The following CDH13 variants were observed in gnomAD, a reference collection of about 807,000 sequenced individuals.
CDH13 encodes cadherin 13, also known as cadherin-13.
CDH13 carries 24 observed loss-of-function variants against 63.8 expected under a neutral mutation model. The observed-to-expected ratio is 0.38, with a 90% CI of 0.27 to 0.53. CDH13 has a LOEUF of 0.53. CDH13 is among the 20% of genes least tolerant of loss of function. The pLI, the probability that CDH13 is intolerant of heterozygous loss-of-function variation, is 0.85. For synonymous variants in CDH13, 503 were observed against 355.3 expected (o/e 1.42, Z -4.67); for missense variants, 1,049 against 903.1 (o/e 1.16, Z -2.07).
intron 1 of CDH13, among the ~76,000 whole-genome samples, chr16:82,628,415 T>C (rs529557643): frequency 3.3e-5 from 5 of 152,072 alleles, no homozygotes; most frequent in Non-Finnish European, 5.9e-5. Context: ...GTAGGGACTG[T>C]CTGGGATGGG....
At chr16:83,468,599 CT>C (rs72242772) in intron 6 of CDH13, among the ~76,000 whole-genome samples, 3,849 of 152,222 alleles carry the variant, frequency 0.025, 163 homozygotes, top group African/African-American at 0.087. Context: ...CCCAGCCACA[CT>C]TGTGTGAGGC....
chr16:83,056,771 T>TC (rs2030989694), intron 3 of CDH13, among the ~76,000 whole-genome samples: 1 of 152,126 alleles, frequency 6.6e-6, no homozygotes. Flanking sequence ...GGTGGGTTTT[T>TC]CCCATGCTGT....
chr16:83,752,055 C>T (rs1488317910), intron 11 of CDH13, among the ~76,000 whole-genome samples: 1 of 152,152 alleles, frequency 6.6e-6, no homozygotes, highest in Non-Finnish European at 1.5e-5. Flanking sequence ...GAAAATAAGC[C>T]AAGATTGTTT....
chr16:82,950,669 A>G (rs1662846239), intron 2 of CDH13, among the ~76,000 whole-genome samples: 1 of 152,256 alleles, frequency 6.6e-6, no homozygotes, highest in East Asian at 1.9e-4. Context: ...ACATGTCTTT[A>G]TCAGCATTGT....
Position 82,687,794 on chromosome 16 carries a change from G to A in CDH13, c.45+60657G>A, listed in dbSNP as rs116190367. 6.6e-3 allele frequency among the ~76,000 whole-genome samples: 1,009 copies of A among 152,172 alleles called. 13 individuals carry two copies. Among genetic ancestry groups the A allele is most frequent in the African/African-American group, 0.022 (920 of 41,522 alleles). ...TTCTGATCTCATTCTATCAAAGTTG[G>A]TAGATCCTAACATGGTGACCCAGCA... On this transcript the variant is annotated intron_variant, in intron 1 of 13. Transcript: ENST00000567109.
chr16:83,157,929 A>G (rs2151706033), intron 4 of CDH13, among the ~76,000 whole-genome samples: 1 of 152,092 alleles, frequency 6.6e-6, no homozygotes, highest in Non-Finnish European at 1.5e-5. Flanking sequence ...AAAGAAAGAA[A>G]AAAGAAAACA....
chr16:83,719,652 G>A (rs571352690), intron 10 of CDH13, among the ~76,000 whole-genome samples: 2 of 152,222 alleles, frequency 1.3e-5, no homozygotes, highest in East Asian at 1.9e-4. Flanking sequence ...AAACCCCCAC[G>A]GTGACGCTAG....
intron 3 of CDH13, among the ~76,000 whole-genome samples, chr16:83,052,053 A>G (rs1328127640): frequency 4.6e-5 from 7 of 152,218 alleles, no homozygotes; most frequent in Non-Finnish European, 8.8e-5. Flanking sequence ...AGAAGCATGA[A>G]TAATTGATAG....
In CDH13 at chr16:82,797,369, A is replaced by T. The variant is rs535898819; in HGVS notation, c.46-60993A>T. On this transcript the variant is annotated intron_variant, in intron 1 of 13. Transcript: ENST00000567109. ...TGCAGAAAGAGCATCGCCACCATGC[A>T]TCATTAGTGCAGAGCCCTGGACCAA... 2.0e-5 allele frequency among the ~76,000 whole-genome samples: 3 copies of T among 152,320 alleles called. No individual in the cohort carries two copies. In the South Asian group the frequency reaches 6.2e-4, roughly 32 times the overall value.
chr16:83,629,483 G>A (rs978097695), intron 8 of CDH13, among the ~76,000 whole-genome samples: 2 of 152,050 alleles, frequency 1.3e-5, no homozygotes, highest in Non-Finnish European at 2.9e-5. Flanking sequence ...AAAACCCAGG[G>A]TTCTCCAAGG....
At chr16:83,720,807 C>G (rs1909592687) in intron 10 of CDH13, among the ~76,000 whole-genome samples, 1 of 152,302 alleles carries the variant, frequency 6.6e-6, no homozygotes, top group Middle Eastern at 3.4e-3. Context: ...GGAAGGTAAG[C>G]CCCATGGGGC....
At chr16:83,126,166 C>G (rs1161399374) in intron 4 of CDH13, among the ~76,000 whole-genome samples, 1 of 152,148 alleles carries the variant, frequency 6.6e-6, no homozygotes, top group Non-Finnish European at 1.5e-5. Context: ...CAAAGGAGAA[C>G]CAGCACTCAG....
intron 10 of CDH13, among the ~76,000 whole-genome samples, chr16:83,732,590 T>C (rs1279864849): frequency 6.6e-6 from 1 of 152,212 alleles, no homozygotes; most frequent in African/African-American, 2.4e-5. Context: ...ATGTAGAACC[T>C]CCTACATCCA....
intron 2 of CDH13, among the ~76,000 whole-genome samples, chr16:82,869,662 A>C (rs2040276274): frequency 6.6e-6 from 1 of 152,212 alleles, no homozygotes; most frequent in African/African-American, 2.4e-5. Context: ...CAGAATAGCT[A>C]ACCCAGAAAT....
chr16:83,383,776 G>A (rs1597883769), intron 6 of CDH13, among the ~76,000 whole-genome samples: 1 of 152,086 alleles, frequency 6.6e-6, no homozygotes, highest in South Asian at 2.1e-4. Context: ...AACTCATGTT[G>A]TACCTTCCTG....
chr16:83,695,810 G>C (rs886353823), intron 10 of CDH13, among the ~76,000 whole-genome samples: 2 of 152,060 alleles, frequency 1.3e-5, no homozygotes, highest in African/African-American at 4.8e-5. Context: ...GATCATCCCT[G>C]TTCTATAGAT....
chr16:83,644,822 A>G (rs1164284004), intron 8 of CDH13, among the ~76,000 whole-genome samples: 2 of 152,320 alleles, frequency 1.3e-5, no homozygotes, highest in East Asian at 3.9e-4. Context: ...TCATGCTTCC[A>G]CGGGCATGAA....
intron 7 of CDH13, among the ~76,000 whole-genome samples, chr16:83,496,357 A>G (rs1242897091): frequency 2.7e-5 from 4 of 149,948 alleles, no homozygotes; most frequent in African/African-American, 2.5e-5. Flanking sequence ...ATAACGCCGC[A>G]TATCTACAAC....
At chr16:83,189,124 C>G (rs1567491160) in intron 4 of CDH13, among the ~76,000 whole-genome samples, 1 of 152,036 alleles carries the variant, frequency 6.6e-6, no homozygotes, top group Non-Finnish European at 1.5e-5. Context: ...TGATTTTTTG[C>G]TTTGTGATAG....
Sources: gnomAD v4.1 joint callset for allele counts (sites outside exome capture counted in the v4.1 genomes callset) on GRCh38, gnomAD v4.1.1 for gene constraint, MANE v1.5 for transcripts, NCBI Gene and HGNC (gene_info 2026-07-23, HGNC 2026-07-21) for gene names.